Variants in HERC3 observed in about 807,000 individuals in gnomAD.
HERC3 encodes the protein HECT and RLD domain containing E3 ubiquitin protein ligase 3.
Under a neutral mutation model 129.9 loss-of-function variants are expected in HERC3, and 58 were observed. The ratio of observed to expected loss-of-function variants is 0.45; its 90% CI spans 0.36 to 0.56. The LOEUF (loss-of-function observed/expected upper bound fraction) is 0.56. Among genes scored for constraint, HERC3 ranks in the 20% least tolerant of loss-of-function variants. The pLI is 0.00. For missense variants in HERC3, 835 were observed against 1,244.2 expected, an observed-to-expected ratio of 0.67 and a Z score of 4.95; for synonymous variants, 430 against 451.0, an observed-to-expected ratio of 0.95 and a Z score of 0.59.
At chr4:88,606,772 T>C (rs1319289946) in intron 3 of HERC3, among the ~76,000 whole-genome samples, 1 of 152,116 alleles carries the variant, frequency 6.6e-6, no homozygotes, top group African/African-American at 2.4e-5. Flanking sequence ...CCTGCCCCCA[T>C]AATTCATTTA....
At chr4:88,653,862 A>G (rs1200229892) in intron 6 of HERC3, among the ~76,000 whole-genome samples, 180 bp from the exon 7 acceptor site, 1 of 151,598 alleles carries the variant, frequency 6.6e-6, no homozygotes, top group Non-Finnish European at 1.5e-5. Flanking sequence ...TAGGGAAACC[A>G]TGAGGTAGGT....
At chr4:88,684,349 A>G (rs1037435747) in intron 21 of HERC3, among the ~76,000 whole-genome samples, 1 of 152,236 alleles carries the variant, frequency 6.6e-6, no homozygotes, top group African/African-American at 2.4e-5. Flanking sequence ...CAAACCTGAC[A>G]AAAACAAGCA....
chr4:88,603,198 CTTTCTCTTTTTTTTTTTT>C (rs1021375352), intron 2 of HERC3, among the ~76,000 whole-genome samples: 6 of 149,420 alleles, frequency 4.0e-5, no homozygotes, highest in African/African-American at 1.5e-4. Flanking sequence ...GCTTCAATCG[CTTTCTCTTTTTTTTTTTT>C]TTTTTTTTGA....
At chr4:88,647,686 T>TA (rs570517013) in intron 3 of HERC3, among the ~76,000 whole-genome samples, 7 of 152,156 alleles carry the variant, frequency 4.6e-5, no homozygotes, top group South Asian at 2.1e-4. Context: ...TATTTTCAGT[T>TA]AAAAAAAGTG....
At chr4:88,526,074 A>G in the HERC3 span, among the ~76,000 whole-genome samples, 2 of 152,268 alleles carry the variant, frequency 1.3e-5, no homozygotes, top group Non-Finnish European at 2.9e-5. Context: ...AACAGACTAA[A>G]TAAAACAATT....
chr4:88,551,133 T>C, the HERC3 span, among the ~76,000 whole-genome samples: 1 of 151,460 alleles, frequency 6.6e-6, no homozygotes, highest in Non-Finnish European at 1.5e-5. Context: ...CAAAAATTAA[T>C]TCAAGATGGA....
At chr4:88,628,104 T>C (rs1726330361) in intron 3 of HERC3, among the ~76,000 whole-genome samples, 1 of 152,186 alleles carries the variant, frequency 6.6e-6, no homozygotes, top group Non-Finnish European at 1.5e-5. Context: ...TATACCTTAC[T>C]AATTTTGTAT....
chr4:88,638,611 A>G (rs1265402852), intron 3 of HERC3, among the ~76,000 whole-genome samples: 1 of 152,248 alleles, frequency 6.6e-6, no homozygotes, highest in East Asian at 1.9e-4. Flanking sequence ...GGAGTTATTT[A>G]TGACAAACCC....
intron 9 of HERC3, 45 bp from the exon 10 acceptor site, chr4:88,658,370 C>T: frequency 9.1e-7 from 1 of 1,095,542 alleles, no homozygotes; most frequent in Non-Finnish European, 1.4e-6. Context: ...CAAGGAGAAA[C>T]TTCAATTAAT....
intron 3 of HERC3, among the ~76,000 whole-genome samples, chr4:88,630,930 G>A (rs935411376): frequency 7.9e-5 from 12 of 152,166 alleles, no homozygotes; most frequent in African/African-American, 2.9e-4. Flanking sequence ...GAATGCTAGT[G>A]ACTCAAAACT....
At chr4:88,566,545 T>A in the HERC3 span, among the ~76,000 whole-genome samples, 1 of 152,228 alleles carries the variant, frequency 6.6e-6, no homozygotes, top group African/African-American at 2.4e-5. Flanking sequence ...ATACCACAGT[T>A]CAGTGTTATA....
chr4:88,523,989 G>T, the HERC3 span: 2 of 425,784 alleles, frequency 4.7e-6, no homozygotes, highest in African/African-American at 4.2e-5. Context: ...AAGTCAAGGT[G>T]TCTGGGTTTT....
chr4:88,587,913 A>C (rs970199310), upstream of HERC3, among the ~76,000 whole-genome samples: 1 of 152,246 alleles, frequency 6.6e-6, no homozygotes, highest in Non-Finnish European at 1.5e-5. Flanking sequence ...GCCATTTCTA[A>C]GAGCACATAT....
At chr4:88,575,140 A>T in the HERC3 span, among the ~76,000 whole-genome samples, 1 of 152,184 alleles carries the variant, frequency 6.6e-6, no homozygotes, top group South Asian at 2.1e-4. Context: ...AAAAGCCTTT[A>T]TTGGAATAGT....
the HERC3 span, among the ~76,000 whole-genome samples, chr4:88,561,444 A>G: frequency 6.6e-6 from 1 of 152,226 alleles, no homozygotes; most frequent in Non-Finnish European, 1.5e-5. Context: ...CCTACAATGC[A>G]TAATAATCAC....
chr4:88,631,821 C>A (rs1467691030), intron 3 of HERC3, among the ~76,000 whole-genome samples: 2 of 152,190 alleles, frequency 1.3e-5, no homozygotes, highest in African/African-American at 4.8e-5. Flanking sequence ...TTTAAAAAAT[C>A]TGGCCCTGAG....
At chr4:88,609,296 C>G (rs1342723764) in intron 3 of HERC3, among the ~76,000 whole-genome samples, 3 of 151,738 alleles carry the variant, frequency 2.0e-5, no homozygotes, top group African/African-American at 7.3e-5. Context: ...ACAAAACAAA[C>G]AACAACAACA....
At chr4:88,605,697 GGGGA>G (rs1723549032) in intron 2 of HERC3, 94 bp from the exon 3 acceptor site, 1 of 645,152 alleles carries the variant, frequency 1.6e-6, no homozygotes. Flanking sequence ...AGAATATTAA[GGGGA>G]GGGTTATTTT....
intron 3 of HERC3, among the ~76,000 whole-genome samples, chr4:88,634,712 A>G (rs1191368245): frequency 8.0e-6 from 1 of 124,984 alleles, no homozygotes; most frequent in Non-Finnish European, 1.7e-5. Flanking sequence ...GCCCCCGCCA[A>G]CAGGGGTTGT....
Sources: gnomAD v4.1 joint callset for allele counts (sites outside exome capture counted in the v4.1 genomes callset) on GRCh38, gnomAD v4.1.1 for gene constraint, MANE v1.5 for transcripts, NCBI Gene and HGNC (gene_info 2026-07-23, HGNC 2026-07-21) for gene names.